The following LRRC39 variants were observed in gnomAD, a reference collection of about 807,000 sequenced individuals.
The protein encoded by LRRC39 is leucine rich repeat containing 39, also known as leucine-rich repeat-containing protein 39.
LRRC39 carries 35 observed loss-of-function variants against 39.7 expected under a neutral mutation model. The observed-to-expected ratio is 0.88, with a 90% CI of 0.67 to 1.17. The LOEUF is 1.17. Ranked by LOEUF, LRRC39 falls within the 50% of genes most tolerant of loss-of-function variation. The pLI, the probability that LRRC39 is intolerant of heterozygous loss-of-function variation, is 0.00. For synonymous variants in LRRC39, 113 were observed against 134.1 expected, an observed-to-expected ratio of 0.84 and a Z score of 1.09; for missense variants, 357 against 385.8, an observed-to-expected ratio of 0.93 and a Z score of 0.62.
intron 1 of LRRC39, among the ~76,000 whole-genome samples, chr1:100,174,805 A>G (rs979581373): frequency 5.3e-5 from 8 of 152,254 alleles, no homozygotes; most frequent in African/African-American, 1.9e-4. Flanking sequence ...AGGAAAAGAT[A>G]TACTATATCA....
Position 100,148,610 on chromosome 1 carries a change from GT to G in LRRC39, c.*431del, listed in dbSNP as rs1474087961. 1 of 1,590,002 alleles carries G rather than the reference GT, an allele frequency of 6.3e-7. No homozygotes were observed. On this transcript the variant is annotated 3_prime_UTR_variant, in exon 10 of 10. Transcript: ENST00000370137. The stretch of plus-strand genomic sequence containing the variant: ...AAAATTTTAACAATGTTTTGTGTGT[GT>G]TTATTCAATTTAGGCTTCTTAGTGT...
At chr1:100,177,759 G>C (rs1322957503) in intron 1 of LRRC39, among the ~76,000 whole-genome samples, 3 of 151,832 alleles carry the variant, frequency 2.0e-5, no homozygotes. Flanking sequence ...TCATCCATCA[G>C]TTTTCCTATA....
intron 3 of LRRC39, among the ~76,000 whole-genome samples, chr1:100,162,632 G>A (rs903556584): frequency 3.3e-5 from 5 of 150,752 alleles, no homozygotes; most frequent in South Asian, 4.2e-4. Context: ...AGCAAGACTC[G>A]GTCTCCAGAA....
rs1220770383 is a variant in LRRC39 at position 100,149,006 on chromosome 1, A to G, written c.*36T>C. On this transcript the variant is annotated 3_prime_UTR_variant, in exon 10 of 10. Coordinates refer to ENST00000370137, the MANE Select transcript of LRRC39 (RefSeq NM_144620.4). ...AAATCCAAACATTAGAGAATTCACCAAAGTAATCCTCTTTAGAAGGGCATC... is the reference window on the plus strand; with the variant it reads ...AAATCCAAACATTAGAGAATTCACCGAAGTAATCCTCTTTAGAAGGGCATC... 1.3e-6 allele frequency: 2 copies of G among 1,491,122 alleles called. No individual in the cohort carries two copies. Among genetic ancestry groups the G allele is most frequent in the Admixed American group, 4.7e-5 (2 of 42,536 alleles). The allele number at this position is 1,491,122 out of a possible 1,614,324, so 92.4% of individuals were successfully genotyped here.
At chr1:100,165,830 C>T (rs1659195652) in intron 3 of LRRC39, among the ~76,000 whole-genome samples, 1 of 151,110 alleles carries the variant, frequency 6.6e-6, no homozygotes, top group Non-Finnish European at 1.5e-5. Context: ...TGTTCTCATT[C>T]TCTCTCCCAA....
intron 2 of LRRC39, among the ~76,000 whole-genome samples, chr1:100,173,069 AT>A (rs1295019599): frequency 6.6e-6 from 1 of 150,990 alleles, no homozygotes; most frequent in Non-Finnish European, 1.5e-5. Flanking sequence ...AATAAAATAA[AT>A]AAAAATAAAA....
intron 3 of LRRC39, among the ~76,000 whole-genome samples, chr1:100,161,563 A>G (rs775602492): frequency 2.0e-5 from 3 of 152,216 alleles, no homozygotes; most frequent in Non-Finnish European, 4.4e-5. Flanking sequence ...ATATTGATGT[A>G]CAAATTTTTG....
At chr1:100,178,553 A>G (rs1240133674), upstream of LRRC39, among the ~76,000 whole-genome samples, 1 of 152,182 alleles carries the variant, frequency 6.6e-6, no homozygotes, top group Admixed American at 6.5e-5. Context: ...AATTCTACCC[A>G]GTAAACCATG....
At chr1:100,163,609 A>AG (rs563600899) in intron 3 of LRRC39, among the ~76,000 whole-genome samples, 114 of 151,942 alleles carry the variant, frequency 7.5e-4, no homozygotes, top group South Asian at 3.3e-3. Context: ...AAAAAAAAAA[A>AG]AAAAATTGAG....
chr1:100,160,617 T>C, intron 3 of LRRC39, 46 bp from the exon 4 acceptor site: 1 of 1,441,202 alleles, frequency 6.9e-7, no homozygotes, highest in Non-Finnish European at 9.5e-7. Flanking sequence ...ATTACATAAG[T>C]GGCATTCACT....
At chr1:100,169,122 G>A (rs1659432064) in intron 2 of LRRC39, among the ~76,000 whole-genome samples, 1 of 151,936 alleles carries the variant, frequency 6.6e-6, no homozygotes, top group Non-Finnish European at 1.5e-5. Context: ...TCAATAATAG[G>A]AAAATGGTTA....
Position 100,159,370 on chromosome 1 carries a change from G to T in LRRC39, c.265C>A (p.Gln89Lys). Residue 89 changes from glutamine to lysine, a missense_variant, in exon 5 of 10, where the codon CAA (glutamine) becomes AAA (lysine). By Grantham distance (53) the Gln-to-Lys change is moderately conservative. Transcript: ENST00000370137. ...LLKLNQLQEW[Q>K]LHRTGLLKIP... ...TTCAGCAAACCAGTTCTATGAAGTT[G>T]CCATTCCTGTAGTTGATTCAGTTTC... is the stretch of plus-strand genomic sequence containing the variant. 1 of 1,611,312 alleles carries T rather than the reference G, an allele frequency of 6.2e-7. No individual in the cohort carries two copies. The highest frequency in any genetic ancestry group is 8.5e-7 in the Non-Finnish European group (1 of 1,178,596).
At chr1:100,160,105 A>T (rs1340304827) in intron 4 of LRRC39, among the ~76,000 whole-genome samples, 1 of 152,206 alleles carries the variant, frequency 6.6e-6, no homozygotes, top group Non-Finnish European at 1.5e-5. Context: ...ACCCACTGAA[A>T]ATACTAATAT....
chr1:100,155,293 C>G, intron 7 of LRRC39, 90 bp from the exon 8 acceptor site: 2 of 1,180,228 alleles, frequency 1.7e-6, no homozygotes, highest in Non-Finnish European at 2.3e-6. Flanking sequence ...AGGTAGGGGT[C>G]TTATCATGTT....
intron 3 of LRRC39, among the ~76,000 whole-genome samples, chr1:100,165,873 CTTTT>C (rs370682819): frequency 1.6e-5 from 2 of 126,702 alleles, no homozygotes; most frequent in Non-Finnish European, 1.7e-5. Context: ...TTTCCCCTTT[CTTTT>C]TTTTTTTTTT....
At chr1:100,152,019 T>A (rs1370171637) in intron 9 of LRRC39, among the ~76,000 whole-genome samples, 3 of 152,108 alleles carry the variant, frequency 2.0e-5, no homozygotes, top group Non-Finnish European at 4.4e-5. Context: ...CTAGGTAAAT[T>A]TTTTTTTCTA....
At chr1:100,158,157 G>T in intron 6 of LRRC39, 74 bp downstream of exon 6, 1 of 1,449,780 alleles carries the variant, frequency 6.9e-7, no homozygotes, top group Non-Finnish European at 9.4e-7. Flanking sequence ...TTTTATTATT[G>T]TTAACAACCA....
intron 8 of LRRC39, 47 bp from the exon 9 acceptor site, chr1:100,152,571 GTACATTTAT>G: frequency 6.3e-7 from 1 of 1,579,850 alleles, no homozygotes; most frequent in South Asian, 1.2e-5. Context: ...TCATGGAAGT[GTACATTTAT>G]TTCCCTGGAG....
In LRRC39 at chr1:100,167,648, G is replaced by A. The variant is rs1037557783; in HGVS notation, c.113+756C>T. 4.6e-5 allele frequency among the ~76,000 whole-genome samples: 7 copies of A among 151,876 alleles called. No individual in the cohort carries two copies. In the South Asian group the frequency reaches 8.3e-4, roughly 18 times the overall value. ...AAATTAGCTGAGTGTGGTGGCATGCGCCTGTAATCCTAGCTACTTGGAAGG... is the reference window on the plus strand; with the variant it reads ...AAATTAGCTGAGTGTGGTGGCATGCACCTGTAATCCTAGCTACTTGGAAGG... On this transcript the variant is annotated intron_variant, in intron 3 of 9. Transcript: ENST00000370137.
Sources: gnomAD v4.1 joint callset for allele counts (sites outside exome capture counted in the v4.1 genomes callset) on GRCh38, gnomAD v4.1.1 for gene constraint, MANE v1.5 for transcripts, NCBI Gene and HGNC (gene_info 2026-07-23, HGNC 2026-07-21) for gene names.